Variants in PLXDC2 observed in about 807,000 individuals in gnomAD.
The protein encoded by PLXDC2 is plexin domain containing 2, also known as plexin domain-containing protein 2.
A neutral mutation model predicts 68.9 loss-of-function variants in PLXDC2; 40 were observed. The observed-to-expected ratio is 0.58, with a 90% CI of 0.45 to 0.76. PLXDC2 has a LOEUF of 0.76. Ranked by LOEUF, PLXDC2 falls within the 30% of genes least tolerant of loss-of-function variation. The pLI, the probability that PLXDC2 is intolerant of heterozygous loss-of-function variation, is 0.00. For missense variants in PLXDC2, 644 were observed against 661.9 expected, an observed-to-expected ratio of 0.97 and a Z score of 0.30; for synonymous variants, 243 against 234.2, an observed-to-expected ratio of 1.04 and a Z score of -0.34.
chr10:20,217,134 C>T (rs965640441), intron 10 of PLXDC2, among the ~76,000 whole-genome samples: 1 of 151,874 alleles, frequency 6.6e-6, no homozygotes, highest in African/African-American at 2.4e-5. Flanking sequence ...ATAAATATAC[C>T]AATGTAAAAT....
At chr10:19,996,389 C>G (rs922487113) in intron 1 of PLXDC2, among the ~76,000 whole-genome samples, 1 of 152,084 alleles carries the variant, frequency 6.6e-6, no homozygotes, top group Non-Finnish European at 1.5e-5. Flanking sequence ...TGAGGCCAGC[C>G]TGGGCTACAA....
chr10:19,929,231 T>A (rs1026650895), intron 1 of PLXDC2, among the ~76,000 whole-genome samples: 11 of 151,160 alleles, frequency 7.3e-5, no homozygotes, highest in African/African-American at 1.9e-4. Flanking sequence ...AAAAAAAAAA[T>A]AAATAACAAC....
intron 1 of PLXDC2, among the ~76,000 whole-genome samples, chr10:19,834,473 A>T (rs1452620461): frequency 6.6e-6 from 1 of 152,180 alleles, no homozygotes; most frequent in Non-Finnish European, 1.5e-5. Context: ...GTCTCTGAGG[A>T]CCGAATCAAT....
At chr10:19,966,853 C>T (rs1457846251) in intron 1 of PLXDC2, among the ~76,000 whole-genome samples, 1 of 152,096 alleles carries the variant, frequency 6.6e-6, no homozygotes, top group Admixed American at 6.5e-5. Flanking sequence ...TCCTGGCCTG[C>T]AATGCAGAGG....
chr10:20,289,678 C>A lies in PLXDC2; in HGVS notation c.*9859C>A, dbSNP rs1316964557. The A allele has an allele frequency of 1.3e-5, 2 of 152,228 alleles. No individual in the cohort carries two copies. 9.4% of individuals were successfully genotyped at this position (152,228 alleles called of 1,614,324 possible). On this transcript the variant is annotated 3_prime_UTR_variant, in exon 14 of 14. Transcript: ENST00000377252. ...GAGTACGCACAGACCTGAACCCATG[C>A]CCAAGAAGCACACACAATGACTGGA...
chr10:20,039,906 A>G (rs1057175026), intron 2 of PLXDC2, among the ~76,000 whole-genome samples: 8 of 152,194 alleles, frequency 5.3e-5, no homozygotes, highest in African/African-American at 1.9e-4. Context: ...TCATATTTGA[A>G]TAGATGCAAC....
At chr10:20,068,614 T>TTA (rs113370455) in intron 4 of PLXDC2, among the ~76,000 whole-genome samples, 37 of 147,516 alleles carry the variant, frequency 2.5e-4, no homozygotes, top group East Asian at 5.9e-4. Context: ...TATATATATA[T>TTA]TATATATATA....
chr10:20,231,687 A>G (rs1244731337), intron 12 of PLXDC2, among the ~76,000 whole-genome samples: 2 of 152,026 alleles, frequency 1.3e-5, no homozygotes, highest in Non-Finnish European at 2.9e-5. Context: ...TATCTCTAAG[A>G]AGATGGATTT....
intron 9 of PLXDC2, among the ~76,000 whole-genome samples, chr10:20,180,092 G>C (rs1008425379): frequency 6.6e-6 from 1 of 152,026 alleles, no homozygotes; most frequent in African/African-American, 2.4e-5. Flanking sequence ...ACTGGCGTAA[G>C]AAGAATGTAG....
chr10:20,119,197 G>A (rs1833661799), intron 4 of PLXDC2, among the ~76,000 whole-genome samples: 1 of 152,160 alleles, frequency 6.6e-6, no homozygotes, highest in Admixed American at 6.5e-5. Flanking sequence ...TTCTGAAGTA[G>A]TAATTTTCAT....
intron 2 of PLXDC2, among the ~76,000 whole-genome samples, chr10:20,022,297 G>A (rs1369113519): frequency 6.6e-6 from 1 of 152,128 alleles, no homozygotes; most frequent in African/African-American, 2.4e-5. Flanking sequence ...GAGTCTTCTT[G>A]GAGCTTACAG....
At chr10:20,248,374 G>A (rs1463397858) in intron 13 of PLXDC2, among the ~76,000 whole-genome samples, 2 of 152,184 alleles carry the variant, frequency 1.3e-5, no homozygotes, top group Non-Finnish European at 2.9e-5. Context: ...TGGAATCTTA[G>A]AGATAATTTA....
At chr10:19,994,290 G>T (rs1433715971) in intron 1 of PLXDC2, among the ~76,000 whole-genome samples, 23 of 59,118 alleles carry the variant, frequency 3.9e-4, no homozygotes, top group South Asian at 5.9e-4. Flanking sequence ...CATTTTCTCT[G>T]ACTACTTGGA....
chr10:20,080,829 C>T (rs1398720459), intron 4 of PLXDC2, among the ~76,000 whole-genome samples: 3 of 152,194 alleles, frequency 2.0e-5, no homozygotes, highest in African/African-American at 2.4e-5. Flanking sequence ...CAGGCACATC[C>T]AAAGACACAC....
intron 12 of PLXDC2, among the ~76,000 whole-genome samples, chr10:20,235,264 A>T (rs541382510): frequency 6.6e-6 from 1 of 152,274 alleles, no homozygotes; most frequent in South Asian, 2.1e-4. Context: ...CCTTCTTTCC[A>T]TGAGTAATTT....
chr10:20,052,430 G>C (rs1000263273), intron 3 of PLXDC2, among the ~76,000 whole-genome samples: 3 of 151,668 alleles, frequency 2.0e-5, no homozygotes, highest in Admixed American at 1.3e-4. Context: ...GTAATATTGT[G>C]ACCAGGGGGC....
At chr10:19,946,829 G>A (rs1166787354) in intron 1 of PLXDC2, among the ~76,000 whole-genome samples, 1 of 152,096 alleles carries the variant, frequency 6.6e-6, no homozygotes, top group Non-Finnish European at 1.5e-5. Context: ...GTGCTCCTGT[G>A]AGAATCAAGT....
At chr10:19,958,686 G>C (rs1447514267) in intron 1 of PLXDC2, among the ~76,000 whole-genome samples, 1 of 152,078 alleles carries the variant, frequency 6.6e-6, no homozygotes, top group African/African-American at 2.4e-5. Flanking sequence ...ATCCCCCTCA[G>C]TTCGGAATTT....
intron 1 of PLXDC2, among the ~76,000 whole-genome samples, chr10:19,960,418 C>T (rs1834137913): frequency 1.3e-5 from 2 of 151,824 alleles, no homozygotes; most frequent in Non-Finnish European, 2.9e-5. Context: ...ATGACAGAAA[C>T]AAAAACTGGC....
Sources: allele counts gnomAD v4.1 joint callset (sites outside exome capture counted in the v4.1 genomes callset), GRCh38; gene constraint gnomAD v4.1.1; transcripts MANE v1.5; gene names NCBI Gene and HGNC (gene_info 2026-07-23, HGNC 2026-07-21).